LIPA: variants seen among roughly 807,000 people sequenced by gnomAD.
LIPA encodes the protein lipase A, lysosomal acid type, also known as lysosomal acid lipase/cholesteryl ester hydrolase.
A neutral mutation model predicts 40.6 loss-of-function variants in LIPA; 26 were observed. The ratio of observed to expected loss-of-function variants is 0.64; its 90% confidence interval spans 0.47 to 0.89. The LOEUF is 0.89. LIPA is among the 40% of genes least tolerant of loss of function. The pLI, the probability that LIPA is intolerant of heterozygous loss-of-function variation, is 0.00. For missense variants in LIPA, 455 were observed against 479.6 expected, an observed-to-expected ratio of 0.95 and a Z score of 0.48; for synonymous variants, 188 against 168.4, an observed-to-expected ratio of 1.12 and a Z score of -0.90.
chr10:89,303,160 T>G (rs1199227429), intron 1 of LIPA, among the ~76,000 whole-genome samples: 1 of 152,250 alleles, frequency 6.6e-6, no homozygotes, highest in African/African-American at 2.4e-5. Flanking sequence ...CTGTCCTTTC[T>G]TTCCTTAATT....
At chr10:89,365,889 C>G (rs1236419168) in intron 2 of LIPA, among the ~76,000 whole-genome samples, 3 of 152,306 alleles carry the variant, frequency 2.0e-5, no homozygotes, top group Non-Finnish European at 2.9e-5. Flanking sequence ...TAGCATGAAG[C>G]CTCCAGCTTT....
At chr10:89,346,508 G>T (rs11203084), upstream of LIPA, among the ~76,000 whole-genome samples, 10,537 of 152,168 alleles carry the variant, frequency 0.069, 917 homozygotes, top group African/African-American at 0.2. Context: ...TCTTTGCCAT[G>T]GTCCCTTTAT....
intron 2 of LIPA, among the ~76,000 whole-genome samples, chr10:89,361,506 C>T (rs1251185467): frequency 1.3e-5 from 2 of 152,184 alleles, no homozygotes; most frequent in East Asian, 3.8e-4. Context: ...TTTCTCCTGA[C>T]AGCATTATTG....
At chr10:89,389,756 A>T (rs775047588) in intron 2 of LIPA, among the ~76,000 whole-genome samples, 14 of 152,176 alleles carry the variant, frequency 9.2e-5, no homozygotes, top group Admixed American at 4.6e-4. Context: ...TGAAGAAGAG[A>T]CTAAGGAATT....
At chr10:89,347,960 A>G (rs305372) in intron 2 of LIPA, among the ~76,000 whole-genome samples, 146,596 of 152,354 alleles carry the variant, frequency 0.96, 70,566 homozygotes, top group East Asian at 1. Context: ...TTCCATGGTG[A>G]GGCCTACCAC....
intron 1 of LIPA, among the ~76,000 whole-genome samples, chr10:89,327,547 T>C (rs1414687187): frequency 6.6e-6 from 1 of 150,866 alleles, no homozygotes; most frequent in Non-Finnish European, 1.5e-5. Flanking sequence ...TAAGACTCTG[T>C]CTCAAAAAAA....
At chr10:89,383,985 C>T in intron 2 of LIPA, 1 of 1,614,082 alleles carries the variant, frequency 6.2e-7, no homozygotes, top group Non-Finnish European at 8.5e-7. Flanking sequence ...TTCTCCTTGC[C>T]CTGAAGCTTC....
chr10:89,390,278 GC>G (rs1844236894), intron 2 of LIPA, among the ~76,000 whole-genome samples: 1 of 152,174 alleles, frequency 6.6e-6, no homozygotes, highest in African/African-American at 2.4e-5. Context: ...GAGCCACTGT[GC>G]CCAGGCTGAA....
At chr10:89,312,246 GC>G (rs1226607390) in intron 1 of LIPA, among the ~76,000 whole-genome samples, 2 of 152,066 alleles carry the variant, frequency 1.3e-5, no homozygotes, top group African/African-American at 2.4e-5. Context: ...TTCGAGACCA[GC>G]CTGGACAGCA....
At chr10:89,226,738 A>G (rs959581099) in intron 5 of LIPA, among the ~76,000 whole-genome samples, 157 bp downstream of exon 5, 1 of 152,250 alleles carries the variant, frequency 6.6e-6, no homozygotes, top group African/African-American at 2.4e-5. Flanking sequence ...AGAAGACTAA[A>G]TGTTACCAAC....
intron 2 of LIPA, among the ~76,000 whole-genome samples, chr10:89,360,962 G>C (rs1564799582): frequency 6.6e-6 from 1 of 152,044 alleles, no homozygotes; most frequent in African/African-American, 2.4e-5. Context: ...CTCTTCACAT[G>C]GCATCCTTCC....
At chr10:89,412,755 G>A (rs1330313410) in intron 2 of LIPA, 8 of 438,444 alleles carry the variant, frequency 1.8e-5, no homozygotes, top group South Asian at 1.3e-4. Context: ...AAGGTCTGCA[G>A]CTGCACTCCT....
intron 1 of LIPA, among the ~76,000 whole-genome samples, chr10:89,314,293 G>A (rs1414364061): frequency 6.6e-6 from 1 of 152,186 alleles, no homozygotes; most frequent in Non-Finnish European, 1.5e-5. Context: ...TTGGCAAATT[G>A]GCACAAAGAA....
intron 1 of LIPA, among the ~76,000 whole-genome samples, chr10:89,250,107 C>CTTTTTTTT (rs398038546): frequency 0.05 from 4,791 of 95,688 alleles, 342 homozygotes; most frequent in South Asian, 0.14. Flanking sequence ...TCTTTTCTTT[C>CTTTTTTTT]TTTTTTTTTT....
At chr10:89,297,738 G>A (rs138503463) in intron 1 of LIPA, among the ~76,000 whole-genome samples, 29 of 152,350 alleles carry the variant, frequency 1.9e-4, no homozygotes, top group African/African-American at 7.0e-4. Flanking sequence ...TCTCCCACTA[G>A]TGAAGCAGGC....
chr10:89,367,874 A>G (rs1197637304), intron 2 of LIPA, among the ~76,000 whole-genome samples: 2 of 152,200 alleles, frequency 1.3e-5, no homozygotes, highest in Admixed American at 1.3e-4. Flanking sequence ...GCTGGACTGC[A>G]GTAGCATGAT....
At chr10:89,329,482 A>G (rs1843629476) in intron 1 of LIPA, among the ~76,000 whole-genome samples, 1 of 152,112 alleles carries the variant, frequency 6.6e-6, no homozygotes, top group African/African-American at 2.4e-5. Context: ...TCTCTGAACT[A>G]TGCTGGACTC....
intron 2 of LIPA, among the ~76,000 whole-genome samples, chr10:89,358,315 G>A (rs1003319145): frequency 2.0e-5 from 3 of 152,182 alleles, no homozygotes; most frequent in Admixed American, 6.5e-5. Context: ...AGAGAATGGG[G>A]AACCTTATAT....
At chr10:89,283,596 A>G (rs1170158486) in intron 1 of LIPA, 1 of 152,156 alleles carries the variant, frequency 6.6e-6, no homozygotes. Context: ...ACTTCCTTAC[A>G]CACTATTCCC....
Sources: allele counts gnomAD v4.1 joint callset (sites outside exome capture counted in the v4.1 genomes callset), GRCh38; gene constraint gnomAD v4.1.1; transcripts MANE v1.5; gene names NCBI Gene and HGNC (gene_info 2026-07-23, HGNC 2026-07-21).